ASNS: variants seen among roughly 807,000 people sequenced by gnomAD.
The protein encoded by ASNS is asparagine synthetase [glutamine-hydrolyzing].
Under a neutral mutation model 62.6 loss-of-function variants are expected in ASNS, and 37 were observed. The ratio of observed to expected loss-of-function variants is 0.59; its 90% CI spans 0.45 to 0.78. ASNS has a LOEUF of 0.78. Among genes scored for constraint, ASNS ranks in the 30% least tolerant of loss-of-function variants. ASNS has a pLI of 0.00. For synonymous variants in ASNS, 207 were observed against 237.9 expected, an observed-to-expected ratio of 0.87 and a Z score of 1.19; for missense variants, 520 against 682.4, an observed-to-expected ratio of 0.76 and a Z score of 2.65.
the ASNS span, among the ~76,000 whole-genome samples, chr7:97,919,517 CA>C: frequency 6.6e-6 from 1 of 152,034 alleles, no homozygotes; most frequent in Non-Finnish European, 1.5e-5. Context: ...AGGACAGAGT[CA>C]AAAAAGAAAA....
chr7:97,856,962 A>T, intron 7 of ASNS, 146 bp from the exon 8 acceptor site: 1 of 784,906 alleles, frequency 1.3e-6, no homozygotes, highest in Non-Finnish European at 2.0e-6. Context: ...TTTACAGCCC[A>T]CCACATACAA....
the ASNS span, among the ~76,000 whole-genome samples, chr7:97,886,576 G>C: frequency 6.6e-6 from 1 of 151,994 alleles, no homozygotes; most frequent in Non-Finnish European, 1.5e-5. Context: ...GAGGGGAGAA[G>C]TGGGGCCAAA....
At chr7:97,858,706 C>A in intron 6 of ASNS, 148 bp downstream of exon 6, 1 of 829,088 alleles carries the variant, frequency 1.2e-6, no homozygotes, top group South Asian at 1.8e-5. Context: ...CTATTAAATA[C>A]AGCTTATAAA....
At chr7:97,855,258 A>G (rs1279075593) in intron 9 of ASNS, 95 bp downstream of exon 9, 1 of 889,006 alleles carries the variant, frequency 1.1e-6, no homozygotes, top group East Asian at 2.5e-5. Context: ...ATACTCAAAA[A>G]TATCACTGTC....
the ASNS span, among the ~76,000 whole-genome samples, chr7:97,878,447 AAGTCTC>A: frequency 2.6e-5 from 4 of 152,168 alleles, no homozygotes; most frequent in Non-Finnish European, 5.9e-5. Flanking sequence ...AAATTCAGCA[AAGTCTC>A]AGGATAAAAA....
At chr7:97,899,835 C>T in the ASNS span, among the ~76,000 whole-genome samples, 1 of 152,196 alleles carries the variant, frequency 6.6e-6, no homozygotes, top group African/African-American at 2.4e-5. Flanking sequence ...TGGATTAACT[C>T]TCTCTTTGGG....
chr7:97,926,048 C>T, the ASNS span, among the ~76,000 whole-genome samples: 1 of 146,192 alleles, frequency 6.8e-6, no homozygotes, highest in African/African-American at 2.6e-5. Flanking sequence ...GCCCCCCACC[C>T]TCCACCCCCC....
the ASNS span, chr7:97,908,422 T>C: frequency 6.6e-6 from 1 of 152,174 alleles, no homozygotes; most frequent in African/African-American, 2.4e-5. Context: ...CCCATTTTGG[T>C]GGTGGTTAAA....
the ASNS span, chr7:97,928,000 G>T: frequency 2.5e-6 from 2 of 787,732 alleles, no homozygotes; most frequent in Middle Eastern, 3.6e-4. Context: ...GCAGGCCACG[G>T]AGCCTCCCGC....
intron 1 of ASNS, chr7:97,870,334 A>C (rs1584478764): frequency 4.8e-6 from 2 of 420,974 alleles, no homozygotes; most frequent in East Asian, 4.1e-5. Flanking sequence ...TTGAAAAATA[A>C]CTATTTTGGT....
chr7:97,865,703 T>G (rs1476042234), intron 3 of ASNS, among the ~76,000 whole-genome samples: 1 of 152,180 alleles, frequency 6.6e-6, no homozygotes, highest in East Asian at 1.9e-4. Flanking sequence ...CAGGTCTTTT[T>G]GACATTTTCA....
intron 4 of ASNS, 70 bp downstream of exon 4, chr7:97,864,189 T>G (rs1791850723): frequency 7.1e-7 from 1 of 1,399,740 alleles, no homozygotes; most frequent in Non-Finnish European, 9.7e-7. Context: ...TAAGAGATTT[T>G]CAAATATAAT....
intron 3 of ASNS, among the ~76,000 whole-genome samples, chr7:97,867,348 T>C (rs1792029407): frequency 6.6e-6 from 1 of 152,190 alleles, no homozygotes; most frequent in African/African-American, 2.4e-5. Context: ...GCCTAAAGTA[T>C]ACATTCTGCT....
intron 12 of ASNS, among the ~76,000 whole-genome samples, chr7:97,852,712 C>G (rs1351658980): frequency 6.6e-6 from 1 of 152,136 alleles, no homozygotes; most frequent in African/African-American, 2.4e-5. Flanking sequence ...TTGTGCCTAA[C>G]AAGATCTGGC....
At chr7:97,864,731 A>G (rs1442791695) in intron 3 of ASNS, among the ~76,000 whole-genome samples, 1 of 152,206 alleles carries the variant, frequency 6.6e-6, no homozygotes, top group East Asian at 1.9e-4. Context: ...TAAACAGAAC[A>G]TAATGGGAAT....
At chr7:97,878,158 G>T in the ASNS span, among the ~76,000 whole-genome samples, 2 of 152,192 alleles carry the variant, frequency 1.3e-5, no homozygotes, top group Non-Finnish European at 2.9e-5. Context: ...GGCCAAGGTG[G>T]GCAGATCACG....
chr7:97,918,182 G>A, the ASNS span, among the ~76,000 whole-genome samples: 281 of 152,286 alleles, frequency 1.8e-3, 2 homozygotes, highest in South Asian at 0.011. Context: ...GTAAAAGAAA[G>A]AGAGGCGGTC....
At chr7:97,860,085 G>A (rs928174985) in intron 4 of ASNS, among the ~76,000 whole-genome samples, 1 of 152,108 alleles carries the variant, frequency 6.6e-6, no homozygotes, top group African/African-American at 2.4e-5. Context: ...TTTACAATTT[G>A]AGATTGTCTA....
the ASNS span, among the ~76,000 whole-genome samples, chr7:97,909,924 C>G: frequency 6.6e-6 from 1 of 152,108 alleles, no homozygotes; most frequent in Non-Finnish European, 1.5e-5. Context: ...ACTGGCCTCC[C>G]TACAGCCTGA....
Sources: gnomAD v4.1 joint callset for allele counts (sites outside exome capture counted in the v4.1 genomes callset) on GRCh38, gnomAD v4.1.1 for gene constraint, MANE v1.5 for transcripts, NCBI Gene and HGNC (gene_info 2026-07-23, HGNC 2026-07-21) for gene names.